Variants in WWC2 observed in about 807,000 individuals in gnomAD.
WWC2 encodes the protein WW and C2 domain containing 2, also known as protein WWC2.
In WWC2, 101 loss-of-function variants were observed where a neutral mutation model predicts 138.5. The observed-to-expected ratio is 0.73, with a 90% CI of 0.62 to 0.86. The LOEUF (loss-of-function observed/expected upper bound fraction) is 0.86. Among genes scored for constraint, WWC2 ranks in the 40% least tolerant of loss-of-function variants. The pLI, the probability that WWC2 is intolerant of heterozygous loss-of-function variation, is 0.00. For synonymous variants in WWC2, 558 were observed against 538.4 expected (o/e 1.04, Z -0.50); for missense variants, 1,420 against 1,419.4 (o/e 1.00, Z -0.01).
chr4:183,134,138 C>G (rs1291779367), intron 1 of WWC2, among the ~76,000 whole-genome samples: 1 of 151,632 alleles, frequency 6.6e-6, no homozygotes, highest in Non-Finnish European at 1.5e-5. Context: ...CATCTGTTGT[C>G]TCTCTTGCTT....
At chr4:183,304,270 T>C (rs546292498) in intron 21 of WWC2, among the ~76,000 whole-genome samples, 183 of 152,224 alleles carry the variant, frequency 1.2e-3, no homozygotes, top group Non-Finnish European at 2.2e-3. Context: ...CAGGAACCGA[T>C]ACTGGGGTAA....
chr4:183,120,633 A>G (rs1732568100), intron 1 of WWC2, among the ~76,000 whole-genome samples: 1 of 152,250 alleles, frequency 6.6e-6, no homozygotes, highest in Non-Finnish European at 1.5e-5. Flanking sequence ...GAAAAATGCA[A>G]GCATTTGTTA....
chr4:183,195,956 G>A (rs1206645703), intron 2 of WWC2, among the ~76,000 whole-genome samples: 1 of 152,114 alleles, frequency 6.6e-6, no homozygotes, highest in Non-Finnish European at 1.5e-5. Context: ...TTGGATCGTG[G>A]GAGTGGATTT....
chr4:183,117,828 CCCAGGCTGGAGTG>C (rs1554065304), intron 1 of WWC2, among the ~76,000 whole-genome samples: 2 of 150,358 alleles, frequency 1.3e-5, no homozygotes, highest in Non-Finnish European at 3.0e-5. Flanking sequence ...CGCTCTGTCG[CCCAGGCTGGAGTG>C]CCAGGCTGGA....
chr4:183,208,267 C>A (rs1735499951), intron 3 of WWC2, 111 bp downstream of exon 3: 3 of 1,145,274 alleles, frequency 2.6e-6, no homozygotes, highest in Non-Finnish European at 3.7e-6. Flanking sequence ...CCCTCCTAAG[C>A]AGGAAGAGTC....
intron 16 of WWC2, among the ~76,000 whole-genome samples, chr4:183,279,203 C>T (rs1737979326): frequency 6.6e-6 from 1 of 151,986 alleles, no homozygotes; most frequent in Non-Finnish European, 1.5e-5. Flanking sequence ...TGAATTTTGT[C>T]AAAGGCTTTT....
intron 4 of WWC2, among the ~76,000 whole-genome samples, chr4:183,220,643 G>A (rs1335828207): frequency 2.6e-5 from 4 of 151,878 alleles, no homozygotes; most frequent in Admixed American, 1.3e-4. Flanking sequence ...GACCATCCTG[G>A]CTAACACAGT....
chr4:183,218,791 A>G (rs1735836928), intron 4 of WWC2, among the ~76,000 whole-genome samples: 2 of 152,180 alleles, frequency 1.3e-5, no homozygotes, highest in South Asian at 2.1e-4. Context: ...CAGTTTTTTT[A>G]TTCTGATCAG....
chr4:183,301,924 A>G (rs938177200), intron 21 of WWC2, among the ~76,000 whole-genome samples: 6 of 152,248 alleles, frequency 3.9e-5, no homozygotes, highest in African/African-American at 1.2e-4. Flanking sequence ...AAATGGGGTC[A>G]TAAAGATAGA....
rs372409697 is a variant in WWC2, at chr4:183,268,957, C to T, written c.2208-14C>T. On this transcript the variant is annotated splice_polypyrimidine_tract_variant and intron_variant, in intron 14 of 22. Transcript: ENST00000403733. The stretch of plus-strand genomic sequence containing the variant: ...AAGTACCTATGAAATCCATTTTATT[C>T]TTGTTCTTTGCAGATATTTTAGGGT... 5.6e-6 allele frequency: 9 copies of T among 1,602,406 alleles called. No individual in the cohort carries two copies. The African/African-American group carries it at 9.4e-5, about 17-fold the overall frequency.
At chr4:183,144,256 C>T (rs766170408) in intron 1 of WWC2, among the ~76,000 whole-genome samples, 17 of 151,948 alleles carry the variant, frequency 1.1e-4, no homozygotes, top group Non-Finnish European at 2.2e-4. Context: ...TAGTCTGAAT[C>T]GGGGAGCTTT....
At chr4:183,277,351 G>C (rs1478814622) in intron 16 of WWC2, among the ~76,000 whole-genome samples, 1 of 151,368 alleles carries the variant, frequency 6.6e-6, no homozygotes, top group Non-Finnish European at 1.5e-5. Flanking sequence ...TGGTGTATAT[G>C]TGCCACATTT....
chr4:183,177,222 TG>T (rs1234015457), intron 1 of WWC2, among the ~76,000 whole-genome samples: 1 of 152,236 alleles, frequency 6.6e-6, no homozygotes, highest in East Asian at 1.9e-4. Flanking sequence ...ATAAGCAACC[TG>T]TAAATCTGTG....
At chr4:183,177,599 T>C (rs1225160811) in intron 1 of WWC2, among the ~76,000 whole-genome samples, 1 of 152,166 alleles carries the variant, frequency 6.6e-6, no homozygotes, top group Admixed American at 6.5e-5. Context: ...GTGAACATTT[T>C]GTAGAAGCAG....
chr4:183,105,092 A>G lies in WWC2; in HGVS notation c.131+5470A>G, dbSNP rs753162770. Among the ~76,000 whole-genome samples, 47 of 152,252 alleles carry G rather than the reference A, an allele frequency of 3.1e-4. 1 individual carries two copies. Among genetic ancestry groups the G allele is most frequent in the Middle Eastern group, 3.4e-3 (1 of 294 alleles). ...CCCGGCTAATTTTTGTATTTTTAGTAGAGATGCGGTATCACCATGTTGGCC... is the reference window on the plus strand; with the variant it reads ...CCCGGCTAATTTTTGTATTTTTAGTGGAGATGCGGTATCACCATGTTGGCC... On this transcript the variant is annotated intron_variant, in intron 1 of 22. Coordinates refer to ENST00000403733, the MANE Select transcript of WWC2 (RefSeq NM_024949.6).
chr4:183,237,966 G>A (rs902111927), intron 4 of WWC2, among the ~76,000 whole-genome samples: 1 of 151,914 alleles, frequency 6.6e-6, no homozygotes, highest in Admixed American at 6.5e-5. Context: ...GCTTGCTCTC[G>A]AACACTCTTC....
chr4:183,302,126 T>C (rs953952223), intron 21 of WWC2, among the ~76,000 whole-genome samples: 3 of 152,252 alleles, frequency 2.0e-5, no homozygotes, highest in Non-Finnish European at 2.9e-5. Flanking sequence ...ACACACACTT[T>C]TATGCATATT....
At chr4:183,284,465 G>T (rs1315861197) in intron 19 of WWC2, 75 bp downstream of exon 19, 2 of 1,540,372 alleles carry the variant, frequency 1.3e-6, no homozygotes, top group Admixed American at 1.8e-5. Flanking sequence ...GCCTGCAAAG[G>T]ACAAGAGACT....
intron 1 of WWC2, among the ~76,000 whole-genome samples, chr4:183,170,454 C>T (rs1366187313): frequency 1.3e-5 from 2 of 152,070 alleles, no homozygotes; most frequent in East Asian, 1.9e-4. Context: ...CTGTGGGGTA[C>T]GTGGACGGTG....
Sources: gnomAD v4.1 joint callset for allele counts (sites outside exome capture counted in the v4.1 genomes callset) on GRCh38, gnomAD v4.1.1 for gene constraint, MANE v1.5 for transcripts, NCBI Gene and HGNC (gene_info 2026-07-23, HGNC 2026-07-21) for gene names.